The following LRFN2 variants were observed in gnomAD, a reference collection of about 807,000 sequenced individuals.
LRFN2 encodes the protein leucine-rich repeat and fibronectin type-III domain-containing protein 2.
LRFN2 carries 18 observed loss-of-function variants against 37.3 expected under a neutral mutation model. That is an observed-to-expected ratio of 0.48 (90% CI 0.33 to 0.72). The LOEUF is 0.72. LRFN2 is among the 30% of genes least tolerant of loss of function. The probability of loss-of-function intolerance (pLI) is 0.02; values close to 1 mark genes in which losing one functional copy is unlikely to be tolerated. For synonymous variants in LRFN2, 556 were observed against 466.6 expected, an observed-to-expected ratio of 1.19 and a Z score of -2.47; for missense variants, 1,006 against 1,060.7, an observed-to-expected ratio of 0.95 and a Z score of 0.72.
Position 40,392,569 on chromosome 6 carries a change from C to A in LRFN2, c.1744G>T (p.Ala582Ser), listed in dbSNP as rs771240052. The A allele has an allele frequency of 6.2e-7, 1 of 1,604,040 alleles. No individual in the cohort carries two copies. The highest frequency in any genetic ancestry group is 8.5e-7 in the Non-Finnish European group (1 of 1,178,918). ...GCGCTGCTTGGAGGCGGTGGCTGGG[C>A]GCCGTTGGTCTGCGAGTACACATTG... ...VSNVYSQTNG[A>S]QPPPPSSAPA... Residue 582 changes from alanine (A) to serine (S), a missense_variant, in exon 3 of 3, where the codon GCC becomes TCC. Ala to Ser is a moderately conservative substitution (Grantham distance 99). This residue lies in a region of LRFN2 where 398 missense variants were observed against 327.6 expected (regional missense o/e 1.21). Coordinates refer to ENST00000338305, the MANE Select transcript of LRFN2 (RefSeq NM_020737.3). This position sits in a 1 kb window ranked among gnomAD's most constrained non-coding sequence, Gnocchi z 4.7.
intron 1 of LRFN2, among the ~76,000 whole-genome samples, chr6:40,553,716 C>T (rs1403740023): frequency 6.6e-6 from 1 of 152,184 alleles, no homozygotes; most frequent in Non-Finnish European, 1.5e-5. Context: ...GATTTAATTA[C>T]ATTATAAAGA....
At chr6:40,465,870 C>T (rs2113853169) in intron 1 of LRFN2, among the ~76,000 whole-genome samples, 1 of 152,256 alleles carries the variant, frequency 6.6e-6, no homozygotes, top group Admixed American at 6.5e-5. Flanking sequence ...CACTGCTGCC[C>T]TCAGGTAAGT....
At chr6:40,580,225 TG>T (rs1306871073) in intron 1 of LRFN2, among the ~76,000 whole-genome samples, 1 of 152,204 alleles carries the variant, frequency 6.6e-6, no homozygotes, top group Non-Finnish European at 1.5e-5. Flanking sequence ...GAAACTGGAA[TG>T]CCCATGGGCT....
At chr6:40,546,913 C>T (rs116809200) in intron 1 of LRFN2, among the ~76,000 whole-genome samples, 4,831 of 152,216 alleles carry the variant, frequency 0.032, 103 homozygotes, top group Admixed American at 0.042. Context: ...TATTTTTACC[C>T]TTCTGAGTCT....
chr6:40,586,808 C>G (rs1767512485), intron 1 of LRFN2, 133 bp downstream of exon 1: 1 of 152,296 alleles, frequency 6.6e-6, no homozygotes, highest in South Asian at 2.1e-4. Context: ...GCATGAGCAC[C>G]TAGGATGCGG....
intron 1 of LRFN2, among the ~76,000 whole-genome samples, chr6:40,492,939 A>T (rs1765126963): frequency 1.3e-5 from 2 of 152,038 alleles, no homozygotes; most frequent in African/African-American, 4.8e-5. Flanking sequence ...ACAAGAAAAC[A>T]TATGTAGGAT....
At chr6:40,415,121 C>G (rs1763067184) in intron 2 of LRFN2, among the ~76,000 whole-genome samples, 1 of 152,228 alleles carries the variant, frequency 6.6e-6, no homozygotes, top group Non-Finnish European at 1.5e-5. Context: ...CCCCAGACAA[C>G]TTTCTGCTCC....
At position 40,582,714 on chromosome 6, in the gene LRFN2, GA is replaced by G. The variant is rs35249144; in HGVS notation, c.-19+4226del. 1.5e-3 allele frequency among the ~76,000 whole-genome samples: 198 copies of G among 135,480 alleles called. No homozygotes were observed. In the East Asian group the frequency reaches 0.022, roughly 15 times the overall value. The allele number at this position is 135,480 out of a possible 152,430, so 88.9% of individuals were successfully genotyped here. A position where few individuals can be genotyped will look rare whatever the true frequency, so the allele number is the denominator to read the frequency against. ...AGTTACAACGTAAGGAAATCACTCA[GA>G]AAAAAAAAAAAAAGACTGATAAATC... On this transcript the variant is annotated intron_variant, in intron 1 of 2. Coordinates refer to ENST00000338305, the MANE Select transcript of LRFN2 (RefSeq NM_020737.3).
intron 1 of LRFN2, among the ~76,000 whole-genome samples, chr6:40,513,449 G>T (rs922601472): frequency 1.3e-5 from 2 of 152,012 alleles, no homozygotes; most frequent in African/African-American, 4.8e-5. Flanking sequence ...GGCCATGCTG[G>T]TCTCGAACAC....
At chr6:40,430,207 G>A (rs540264369) in intron 2 of LRFN2, among the ~76,000 whole-genome samples, 6 of 152,292 alleles carry the variant, frequency 3.9e-5, no homozygotes, top group East Asian at 3.9e-4. Flanking sequence ...TCCAGACCAG[G>A]CCAGCAGCTG....
intron 1 of LRFN2, among the ~76,000 whole-genome samples, chr6:40,461,337 G>T (rs1387893578): frequency 6.6e-6 from 1 of 152,066 alleles, no homozygotes; most frequent in Admixed American, 6.6e-5. Flanking sequence ...GAGCCAAGGA[G>T]TTCAAGGCTG....
At chr6:40,421,651 C>T (rs959132507) in intron 2 of LRFN2, among the ~76,000 whole-genome samples, 7 of 152,170 alleles carry the variant, frequency 4.6e-5, no homozygotes, top group African/African-American at 1.4e-4. Flanking sequence ...AGAGTCTGTT[C>T]TGTCAGTAAT....
At chr6:40,494,717 C>A (rs542933022) in intron 1 of LRFN2, among the ~76,000 whole-genome samples, 1 of 152,008 alleles carries the variant, frequency 6.6e-6, no homozygotes, top group East Asian at 1.9e-4. Flanking sequence ...ATCCATAACA[C>A]CTCACCTCTG....
chr6:40,499,877 T>A (rs2436733), intron 1 of LRFN2, among the ~76,000 whole-genome samples: 59 of 152,138 alleles, frequency 3.9e-4, no homozygotes, highest in Non-Finnish European at 7.2e-4. Context: ...TTTCTGTGCC[T>A]CAGTTTTCTC....
At chr6:40,439,357 C>G (rs1021941253) in intron 1 of LRFN2, among the ~76,000 whole-genome samples, 1 of 152,146 alleles carries the variant, frequency 6.6e-6, no homozygotes, top group Non-Finnish European at 1.5e-5. Context: ...GGAGAGGCAG[C>G]TGCCTGCACC....
Position 40,574,032 on chromosome 6 carries a change from C to A in LRFN2, c.-19+12909G>T, listed in dbSNP as rs555346886. Among the ~76,000 whole-genome samples the A allele has an allele frequency of 4.4e-4, 67 of 152,214 alleles. 1 individual carries two copies. The South Asian group carries it at 0.014, about 31-fold the overall frequency. ...TCCCAGGAATCCCCTTAGTCTCAGG[C>A]GAATTCGGACAGGTGGTCACCCTAG... On this transcript the variant is annotated intron_variant, in intron 1 of 2. Coordinates refer to ENST00000338305, the MANE Select transcript of LRFN2 (RefSeq NM_020737.3).
chr6:40,457,837 G>A (rs1764266892), intron 1 of LRFN2, among the ~76,000 whole-genome samples: 1 of 152,116 alleles, frequency 6.6e-6, no homozygotes, highest in African/African-American at 2.4e-5. Context: ...CTCTGTGACT[G>A]CATTTGGCCA....
At chr6:40,414,689 G>A (rs986448513) in intron 2 of LRFN2, among the ~76,000 whole-genome samples, 2 of 152,170 alleles carry the variant, frequency 1.3e-5, no homozygotes, top group Non-Finnish European at 2.9e-5. Context: ...ATTTGTTAAT[G>A]TTTTATTGAA....
At chr6:40,530,074 G>A (rs1199804561) in intron 1 of LRFN2, among the ~76,000 whole-genome samples, 2 of 152,172 alleles carry the variant, frequency 1.3e-5, no homozygotes, top group African/African-American at 2.4e-5. Flanking sequence ...GGAAATGCAG[G>A]CCCAGAGAGA....
Sources: gnomAD v4.1 joint callset for allele counts (sites outside exome capture counted in the v4.1 genomes callset) on GRCh38, gnomAD v4.1.1 for gene constraint, gnomAD v4.1.1 regional missense constraint, Gnocchi (gnomAD v3.1) non-coding constraint, MANE v1.5 for transcripts, NCBI Gene and HGNC (gene_info 2026-07-23, HGNC 2026-07-21) for gene names.